Variants in AMPH observed in about 807,000 individuals in gnomAD.
AMPH encodes the protein amphiphysin (Stiff-Mann syndrome with breast cancer 128kD autoantigen).
In AMPH, 49 loss-of-function variants were observed where a neutral mutation model predicts 99.1. That is an observed-to-expected ratio of 0.49 (90% CI 0.39 to 0.63). The LOEUF is 0.63. AMPH is among the 20% of genes least tolerant of loss of function. The pLI, the probability that AMPH is intolerant of heterozygous loss-of-function variation, is 0.00. For synonymous variants in AMPH, 314 were observed against 317.3 expected (o/e 0.99, Z 0.11); for missense variants, 759 against 863.4 (o/e 0.88, Z 1.52).
intron 17 of AMPH, among the ~76,000 whole-genome samples, chr7:38,407,104 G>A (rs1185697969): frequency 2.3e-5 from 2 of 88,192 alleles, no homozygotes; most frequent in African/African-American, 8.2e-5. Context: ...GTGTGTGTGT[G>A]TGTGTGTGTG....
intron 2 of AMPH, among the ~76,000 whole-genome samples, chr7:38,518,607 G>A (rs1355939428): frequency 2.0e-5 from 3 of 152,186 alleles, no homozygotes; most frequent in Non-Finnish European, 2.9e-5. Context: ...TTTAGAATGG[G>A]AATGTCTGTC....
At position 38,427,775 on chromosome 7, in the gene AMPH, A is replaced by G. The variant is rs932285821; in HGVS notation, c.1183-789T>C. On this transcript the variant is annotated intron_variant, in intron 14 of 20. Transcript: ENST00000356264. ...ATGGATAATGAAGTAGGTGACAGACATGAGGAAAAACAGAGCCTACAGAAG... is the reference window on the plus strand; with the variant it reads ...ATGGATAATGAAGTAGGTGACAGACGTGAGGAAAAACAGAGCCTACAGAAG... 9 of 390,472 alleles carry G rather than the reference A, an allele frequency of 2.3e-5. 1 individual carries two copies. Among genetic ancestry groups the G allele is most frequent in the South Asian group, 1.5e-4 (8 of 52,180 alleles). The allele number at this position is 390,472 out of a possible 1,614,324, so 24.2% of individuals were successfully genotyped here. A position where few individuals can be genotyped will look rare whatever the true frequency, so the allele number is the denominator to read the frequency against.
intron 2 of AMPH, among the ~76,000 whole-genome samples, chr7:38,507,986 A>G (rs1789393543): frequency 6.6e-6 from 1 of 152,234 alleles, no homozygotes; most frequent in Non-Finnish European, 1.5e-5. Flanking sequence ...GCAATATATT[A>G]ATATTAGTAA....
intron 17 of AMPH, among the ~76,000 whole-genome samples, chr7:38,406,711 C>CTTCTCTA: frequency 7.6e-6 from 1 of 131,152 alleles, no homozygotes; most frequent in African/African-American, 2.9e-5. Flanking sequence ...TCTCTCTCCT[C>CTTCTCTA]TCCTCTCTCT....
intron 1 of AMPH, among the ~76,000 whole-genome samples, chr7:38,584,589 C>T (rs998186533): frequency 1.3e-5 from 2 of 152,204 alleles, no homozygotes; most frequent in South Asian, 4.1e-4. Flanking sequence ...TATGCCATTC[C>T]TGAACTGGTA....
chr7:38,508,920 C>T (rs192815013), intron 2 of AMPH, among the ~76,000 whole-genome samples: 5 of 152,244 alleles, frequency 3.3e-5, no homozygotes, highest in Admixed American at 2.6e-4. Context: ...TAACAGATGA[C>T]TAATAACATA....
chr7:38,464,759 G>A (rs542476213), intron 9 of AMPH, among the ~76,000 whole-genome samples: 28 of 152,124 alleles, frequency 1.8e-4, no homozygotes, highest in South Asian at 8.3e-4. Flanking sequence ...TCAGAAAACC[G>A]AAAGCTGGGT....
chr7:38,443,519 C>A (rs1202710994), intron 11 of AMPH, among the ~76,000 whole-genome samples: 1 of 152,072 alleles, frequency 6.6e-6, no homozygotes, highest in African/African-American at 2.4e-5. Context: ...AAATGGGGTT[C>A]ATCCTAGGAC....
chr7:38,540,691 G>GAA (rs1790774301), intron 1 of AMPH, among the ~76,000 whole-genome samples: 2 of 1,030 alleles, frequency 1.9e-3, no homozygotes, highest in Non-Finnish European at 4.4e-3. Flanking sequence ...GTGACCCCAA[G>GAA]CAAAAAAAAA....
chr7:38,536,268 A>G (rs1328431978), intron 1 of AMPH, among the ~76,000 whole-genome samples: 1 of 152,222 alleles, frequency 6.6e-6, no homozygotes, highest in African/African-American at 2.4e-5. Flanking sequence ...GATAACTAAT[A>G]TACTTTAGGA....
chr7:38,438,061 T>C (rs1786355840), intron 11 of AMPH, among the ~76,000 whole-genome samples: 1 of 152,198 alleles, frequency 6.6e-6, no homozygotes, highest in African/African-American at 2.4e-5. Flanking sequence ...ATTCAAAATC[T>C]GCATAAGCTT....
chr7:38,598,783 T>C lies in AMPH; in HGVS notation c.69+32500A>G, dbSNP rs184859035. 4.0e-3 allele frequency among the ~76,000 whole-genome samples: 605 copies of C among 152,342 alleles called. 5 individuals are homozygous for C. Among genetic ancestry groups the C allele is most frequent in the African/African-American group, 0.014 (581 of 41,582 alleles). On this transcript the variant is annotated intron_variant, in intron 1 of 20. Transcript: ENST00000356264. ...CTTTTCAAAGAATTAATTTGTACTT[T>C]AACTGATTAATTTTTTGGTATTATT...
intron 1 of AMPH, among the ~76,000 whole-genome samples, chr7:38,577,959 T>C (rs181277316): frequency 6.6e-6 from 1 of 152,286 alleles, no homozygotes; most frequent in Admixed American, 6.5e-5. Flanking sequence ...GGGCTTAACA[T>C]TGGAAACAAA....
At chr7:38,491,493 C>T (rs992124518) in intron 4 of AMPH, among the ~76,000 whole-genome samples, 8 of 152,262 alleles carry the variant, frequency 5.3e-5, no homozygotes, top group Middle Eastern at 6.8e-3. Context: ...GCTTTTGACG[C>T]ACTCCATGAA....
chr7:38,547,301 T>C lies in AMPH; in HGVS notation c.70-12290A>G, dbSNP rs2129044804. On this transcript the variant is annotated intron_variant, in intron 1 of 20. Transcript: ENST00000356264. Reference sequence around the variant, plus strand: ...CTTAGCTCAAAATCTTCCACTACCTTTGTACACTTAAACTATGAGAAGTAA... The same window carrying C: ...CTTAGCTCAAAATCTTCCACTACCTCTGTACACTTAAACTATGAGAAGTAA... 1.3e-5 allele frequency among the ~76,000 whole-genome samples: 2 copies of C among 152,220 alleles called. 1 individual carries two copies. Among genetic ancestry groups the C allele is most frequent in the Middle Eastern group, 6.8e-3 (2 of 294 alleles).
chr7:38,465,789 G>A (rs1390957455), intron 8 of AMPH, among the ~76,000 whole-genome samples: 1 of 151,988 alleles, frequency 6.6e-6, no homozygotes, highest in Non-Finnish European at 1.5e-5. Context: ...AGAGTACAGG[G>A]CAGAAAACAA....
At chr7:38,505,668 A>G (rs1331451878) in intron 2 of AMPH, among the ~76,000 whole-genome samples, 1 of 152,168 alleles carries the variant, frequency 6.6e-6, no homozygotes, top group East Asian at 1.9e-4. Flanking sequence ...AGAGAGAGGA[A>G]GAGGAGAATA....
At chr7:38,415,453 T>G (rs1168417861) in intron 17 of AMPH, among the ~76,000 whole-genome samples, 3 of 152,164 alleles carry the variant, frequency 2.0e-5, no homozygotes, top group African/African-American at 7.2e-5. Flanking sequence ...TGGATTTTTG[T>G]TTTTACAACT....
chr7:38,468,475 G>T (rs1787751327), intron 7 of AMPH, among the ~76,000 whole-genome samples: 1 of 152,146 alleles, frequency 6.6e-6, no homozygotes, highest in Non-Finnish European at 1.5e-5. Context: ...ATCTTAAGTT[G>T]TCAAATCAAT....
Sources: allele counts gnomAD v4.1 joint callset (sites outside exome capture counted in the v4.1 genomes callset), GRCh38; gene constraint gnomAD v4.1.1; transcripts MANE v1.5; gene names NCBI Gene and HGNC (gene_info 2026-07-23, HGNC 2026-07-21).